Variants in TMEM260 observed in about 807,000 individuals in gnomAD.
TMEM260 encodes transmembrane protein 260, also known as protein O-mannosyl-transferase TMEM260.
Under a neutral mutation model 88.9 loss-of-function variants are expected in TMEM260, and 82 were observed. The ratio of observed to expected loss-of-function variants is 0.92; its 90% confidence interval spans 0.77 to 1.11. The LOEUF (loss-of-function observed/expected upper bound fraction) is 1.11, where lower values mean the gene tolerates loss of function less well. TMEM260 is among the 50% of genes least tolerant of loss of function. TMEM260 has a pLI of 0.00. For synonymous variants in TMEM260, 314 were observed against 309.3 expected, an observed-to-expected ratio of 1.02 and a Z score of -0.16; for missense variants, 902 against 853.4, an observed-to-expected ratio of 1.06 and a Z score of -0.71.
At chr14:56,647,116 T>A (rs370523109) in intron 15 of TMEM260, 127 bp from the exon 16 acceptor site, 1 of 1,019,958 alleles carries the variant, frequency 9.8e-7, no homozygotes, top group Non-Finnish European at 1.4e-6. Context: ...TTAGCAATGA[T>A]TAGATTTTTA....
chr14:56,659,972 A>C, the TMEM260 span, among the ~76,000 whole-genome samples: 7 of 152,140 alleles, frequency 4.6e-5, no homozygotes, highest in South Asian at 2.1e-4. Flanking sequence ...TAAAAAAAAA[A>C]CCCAAAATAT....
chr14:56,596,538 G>A (rs946720360), intron 3 of TMEM260, among the ~76,000 whole-genome samples: 10 of 149,894 alleles, frequency 6.7e-5, no homozygotes, highest in Non-Finnish European at 1.5e-4. Flanking sequence ...AAGCCGAGGC[G>A]GGTGGATCAC....
At chr14:56,645,540 GC>G (rs1889908519) in intron 15 of TMEM260, among the ~76,000 whole-genome samples, 1 of 152,036 alleles carries the variant, frequency 6.6e-6, no homozygotes, top group African/African-American at 2.4e-5. Flanking sequence ...TATACCTAAT[GC>G]TAAATGACGA....
chr14:56,623,583 AAAG>A (rs1190615940), intron 11 of TMEM260, among the ~76,000 whole-genome samples: 1 of 152,224 alleles, frequency 6.6e-6, no homozygotes, highest in East Asian at 1.9e-4. Flanking sequence ...CATTAGTGAA[AAAG>A]AAGAAGGTAT....
At chr14:56,625,869 C>T (rs961706740) in intron 12 of TMEM260, among the ~76,000 whole-genome samples, 1 of 152,072 alleles carries the variant, frequency 6.6e-6, no homozygotes, top group Non-Finnish European at 1.5e-5. Context: ...CACTATGGCC[C>T]CCCTTTTAAG....
In TMEM260 at chr14:56,596,381, AGT is replaced by A. The variant is rs376857460; in HGVS notation, c.345-7409_345-7408del. On this transcript the variant is annotated intron_variant, in intron 3 of 15. Transcript: ENST00000261556. ...GGACACACACACATATATATGTGAG[AGT>A]GTGTGTGTGTGTGTGTGTGTGTGTA... Among the ~76,000 whole-genome samples the A allele has an allele frequency of 9.0e-3, 1,140 of 126,564 alleles. 22 individuals carry two copies. The highest frequency in any genetic ancestry group is 0.031 in the African/African-American group (1,020 of 33,246). The allele number at this position is 126,564 out of a possible 152,430, so 83.0% of individuals were successfully genotyped here.
intron 2 of TMEM260, 43 bp downstream of exon 2, chr14:56,585,075 G>C (rs377539388): frequency 6.4e-7 from 1 of 1,571,998 alleles, no homozygotes; most frequent in Admixed American, 1.8e-5. Flanking sequence ...CTCATTAACA[G>C]TTTTAGGAAT....
chr14:56,614,145 G>A (rs1887455674), intron 7 of TMEM260, among the ~76,000 whole-genome samples: 2 of 150,626 alleles, frequency 1.3e-5, no homozygotes, highest in South Asian at 4.2e-4. Flanking sequence ...TTGACCTCAG[G>A]TGATCCACCT....
rs141078990 is a variant in TMEM260, at chr14:56,638,853, A to G, written c.1869+2255A>G. On this transcript the variant is annotated intron_variant, in intron 15 of 15. Coordinates refer to ENST00000261556, the MANE Select transcript of TMEM260 (RefSeq NM_017799.4). ...ATTGGATAATTTGAAGGTGTCCCCA[A>G]CTAACAGAATACATCCACCAAGACT... 2.8e-3 allele frequency among the ~76,000 whole-genome samples: 420 copies of G among 152,314 alleles called. 4 individuals are homozygous for G. The highest frequency in any genetic ancestry group is 8.8e-3 in the African/African-American group (366 of 41,568).
chr14:56,616,501 A>G (rs1277467469), intron 8 of TMEM260, among the ~76,000 whole-genome samples: 1 of 152,038 alleles, frequency 6.6e-6, no homozygotes, highest in Non-Finnish European at 1.5e-5. Context: ...ACTTGACACA[A>G]ACATTGTGAA....
At chr14:56,650,981 G>A (rs3742575), downstream of TMEM260, among the ~76,000 whole-genome samples, 40,445 of 152,060 alleles carry the variant, frequency 0.27, 6,888 homozygotes, top group Non-Finnish European at 0.39. Flanking sequence ...CAAGTCTTAT[G>A]GTTAGTTAAA....
chr14:56,645,497 G>GT (rs1054087492), intron 15 of TMEM260, among the ~76,000 whole-genome samples: 1 of 127,522 alleles, frequency 7.8e-6, no homozygotes, highest in Non-Finnish European at 1.8e-5. Flanking sequence ...CTGTTGTGGG[G>GT]TGGGGGTAGG....
intron 7 of TMEM260, chr14:56,615,303 C>T (rs968310832): frequency 6.6e-5 from 10 of 151,994 alleles, no homozygotes; most frequent in African/African-American, 2.4e-4. Context: ...AGAGCAGAAG[C>T]TATTTTAGAA....
In TMEM260 at chr14:56,609,210, G is replaced by T. The variant is rs2139567039; in HGVS notation, c.741G>T (p.Trp247Cys). The change falls in exon 6 of 16, where the codon TGG becomes TGT. Residue 247 changes from tryptophan (W) to cysteine (C), a missense_variant. Physicochemically the swap from Trp to Cys is radical, Grantham distance 215. Transcript: ENST00000261556. ...CATCTTACCTTAATCACGCCCGGTG[G>T]ACCTGGGGAGACCAGACAACACTGC... ...PISSYLNHAR[W>C]TWGDQTTLQG... is the part of the protein sequence containing the mutation. The T allele has an allele frequency of 6.2e-7, 1 of 1,614,100 alleles. No individual in the cohort carries two copies.
Position 56,580,397 on chromosome 14 carries a change from T to G in TMEM260, c.160+323T>G, listed in dbSNP as rs534084722. Among the ~76,000 whole-genome samples, 5 of 152,374 alleles carry G rather than the reference T, an allele frequency of 3.3e-5. No individual in the cohort carries two copies. In the East Asian group the frequency reaches 9.7e-4, roughly 29 times the overall value. On this transcript the variant is annotated intron_variant, in intron 1 of 15. Coordinates refer to ENST00000261556, the MANE Select transcript of TMEM260 (RefSeq NM_017799.4). ...TCAGTCTTTTTTAGTCCACAGATAT[T>G]ATTCACGGTGTCCTTATTATGTTTC... is the stretch of plus-strand genomic sequence containing the variant.
upstream of TMEM260, chr14:56,579,787 C>T (rs774382215): frequency 8.6e-5 from 77 of 892,192 alleles, no homozygotes; most frequent in Non-Finnish European, 9.9e-5. Context: ...CGGTCCAACC[C>T]GCGGAGGCTC....
At chr14:56,640,345 C>T (rs576951185) in intron 15 of TMEM260, among the ~76,000 whole-genome samples, 18 of 152,272 alleles carry the variant, frequency 1.2e-4, no homozygotes, top group South Asian at 2.1e-4. Flanking sequence ...CACCAATATC[C>T]GCTGTTCTGC....
At chr14:56,639,178 A>C (rs1403724201) in intron 15 of TMEM260, among the ~76,000 whole-genome samples, 1 of 152,144 alleles carries the variant, frequency 6.6e-6, no homozygotes, top group Non-Finnish European at 1.5e-5. Context: ...GGGATGGTTA[A>C]TAGGTACAAA....
the TMEM260 span, among the ~76,000 whole-genome samples, chr14:56,662,264 AT>A: frequency 3.9e-5 from 6 of 152,214 alleles, no homozygotes; most frequent in Non-Finnish European, 7.3e-5. Flanking sequence ...TCATGGATTT[AT>A]TGCCAAGAAC....
Sources: allele counts gnomAD v4.1 joint callset (sites outside exome capture counted in the v4.1 genomes callset), GRCh38; gene constraint gnomAD v4.1.1; transcripts MANE v1.5; gene names NCBI Gene and HGNC (gene_info 2026-07-23, HGNC 2026-07-21).